The following DCBLD1 variants were observed in gnomAD, a reference collection of about 807,000 sequenced individuals.
DCBLD1 encodes discoidin, CUB and LCCL domain-containing protein 1.
DCBLD1 carries 57 observed loss-of-function variants against 71.5 expected under a neutral mutation model. That is an observed-to-expected ratio of 0.80 (90% CI 0.64 to 0.99). DCBLD1 has a LOEUF of 0.99. DCBLD1 is among the 50% of genes least tolerant of loss of function. DCBLD1 has a pLI of 0.00. For missense variants in DCBLD1, 891 were observed against 923.5 expected, an observed-to-expected ratio of 0.96 and a Z score of 0.46; for synonymous variants, 380 against 363.8, an observed-to-expected ratio of 1.04 and a Z score of -0.51.
At chr6:117,547,823 C>T (rs764991862) in intron 14 of DCBLD1, 84 bp from the exon 15 acceptor site, 3 of 1,547,216 alleles carry the variant, frequency 1.9e-6, no homozygotes, top group South Asian at 1.2e-5. Context: ...GTCACCACGA[C>T]CTGAAGCAGA....
intron 5 of DCBLD1, among the ~76,000 whole-genome samples, chr6:117,529,117 G>C (rs1778634049): frequency 6.6e-6 from 1 of 152,200 alleles, no homozygotes; most frequent in African/African-American, 2.4e-5. Context: ...GGGATTACAG[G>C]TGTGAGCCAC....
At chr6:117,556,357 C>G (rs750953964) in intron 14 of DCBLD1, among the ~76,000 whole-genome samples, 1 of 152,108 alleles carries the variant, frequency 6.6e-6, no homozygotes, top group Non-Finnish European at 1.5e-5. Flanking sequence ...ATTTTTCAAC[C>G]CTCACCCACC....
intron 1 of DCBLD1, among the ~76,000 whole-genome samples, chr6:117,486,940 C>G (rs1769913825): frequency 6.6e-6 from 1 of 152,128 alleles, no homozygotes; most frequent in Non-Finnish European, 1.5e-5. Context: ...AGCTTGAACT[C>G]TATTGTGAAC....
intron 1 of DCBLD1, among the ~76,000 whole-genome samples, chr6:117,486,891 G>A (rs748726795): frequency 1.6e-4 from 24 of 152,082 alleles, no homozygotes; most frequent in Non-Finnish European, 3.1e-4. Flanking sequence ...GCCTGAGTTC[G>A]CCTCCTGTCA....
intron 6 of DCBLD1, among the ~76,000 whole-genome samples, chr6:117,532,800 TG>T (rs1256516128): frequency 1.3e-5 from 2 of 152,202 alleles, no homozygotes; most frequent in African/African-American, 2.4e-5. Flanking sequence ...TAGAGACAGT[TG>T]TTTAGTGATG....
chr6:117,493,686 G>T (rs1777374583), intron 1 of DCBLD1, among the ~76,000 whole-genome samples: 1 of 152,184 alleles, frequency 6.6e-6, no homozygotes, highest in Non-Finnish European at 1.5e-5. Flanking sequence ...TTAGGCAGTA[G>T]TGGCACTAGA....
chr6:117,508,079 T>C (rs900146539), intron 2 of DCBLD1: 5 of 152,178 alleles, frequency 3.3e-5, no homozygotes, highest in African/African-American at 7.2e-5. Flanking sequence ...CCATGTAATA[T>C]GAAACTTTGA....
intron 14 of DCBLD1, chr6:117,563,404 A>C (rs990569238): frequency 3.7e-6 from 6 of 1,611,572 alleles, no homozygotes; most frequent in Middle Eastern, 1.7e-4. Flanking sequence ...AGGAGAAAAA[A>C]AAAGCAGACA....
chr6:117,519,711 T>C (rs1291059155), intron 2 of DCBLD1, 105 bp from the exon 3 acceptor site: 1 of 1,382,558 alleles, frequency 7.2e-7, no homozygotes. Flanking sequence ...ATCATACATA[T>C]GTATTGTCTA....
chr6:117,496,776 C>T (rs1277345406), intron 1 of DCBLD1, among the ~76,000 whole-genome samples: 1 of 152,186 alleles, frequency 6.6e-6, no homozygotes, highest in Non-Finnish European at 1.5e-5. Context: ...AATGAAATCA[C>T]TTCAGTAGGC....
chr6:117,569,801 G>C, exon 15 of DCBLD1: 2 of 1,435,156 alleles, frequency 1.4e-6, no homozygotes, highest in Non-Finnish European at 1.8e-6. Flanking sequence ...GATTAATCTA[G>C]AGATAAAATA....
intron 5 of DCBLD1, among the ~76,000 whole-genome samples, chr6:117,527,237 T>C (rs541422889): frequency 6.6e-6 from 1 of 152,282 alleles, no homozygotes; most frequent in East Asian, 1.9e-4. Flanking sequence ...CGTATTCTTA[T>C]AGACTTAGAA....
chr6:117,553,600 C>T (rs1562130640), downstream of DCBLD1, among the ~76,000 whole-genome samples: 1 of 152,142 alleles, frequency 6.6e-6, no homozygotes, highest in Non-Finnish European at 1.5e-5. Context: ...GAATTTTTGT[C>T]TGCCTTATTT....
chr6:117,514,367 G>T (rs1438111041), intron 2 of DCBLD1, among the ~76,000 whole-genome samples: 2 of 152,140 alleles, frequency 1.3e-5, no homozygotes, highest in East Asian at 3.9e-4. Flanking sequence ...ACTTTGAGGA[G>T]GCTGAGATGG....
At chr6:117,545,905 T>C (rs1387667584) in intron 14 of DCBLD1, among the ~76,000 whole-genome samples, 1 of 152,090 alleles carries the variant, frequency 6.6e-6, no homozygotes, top group Non-Finnish European at 1.5e-5. Flanking sequence ...AAGGCACTGG[T>C]ACAGAGGGGC....
Position 117,544,455 on chromosome 6 carries a change from C to T in DCBLD1, c.1446-73C>T, listed in dbSNP as rs1018754559. On this transcript the variant is annotated intron_variant, in intron 12 of 14. Transcript: ENST00000338728. ...CTATGAGGTAAGTACTATTATGATC[C>T]TTATGTTATATAGGGAGAGAGAGGC... is the stretch of plus-strand genomic sequence containing the variant. The T allele has an allele frequency of 5.3e-6, 8 of 1,511,082 alleles. No homozygotes were observed. The African/African-American group carries it at 6.9e-5, about 13-fold the overall frequency. 93.6% of individuals were successfully genotyped at this position (1,511,082 alleles called of 1,614,324 possible). A position where few individuals can be genotyped will look rare whatever the true frequency, so the allele number is the denominator to read the frequency against.
At chr6:117,525,253 G>A in intron 4 of DCBLD1, 109 bp from the exon 5 acceptor site, 1 of 770,896 alleles carries the variant, frequency 1.3e-6, no homozygotes, top group African/African-American at 1.8e-5. Flanking sequence ...TGCCATTAAA[G>A]CAAGATATTA....
At chr6:117,552,051 T>TG (rs1207473018), downstream of DCBLD1, among the ~76,000 whole-genome samples, 1 of 152,004 alleles carries the variant, frequency 6.6e-6, no homozygotes, top group African/African-American at 2.4e-5. Context: ...GCCCAGACGG[T>TG]GGAGGTTGCA....
intron 1 of DCBLD1, among the ~76,000 whole-genome samples, chr6:117,486,810 G>A (rs1304928397): frequency 6.6e-6 from 1 of 152,166 alleles, no homozygotes; most frequent in Non-Finnish European, 1.5e-5. Flanking sequence ...CTGCAGACTG[G>A]TACCTGTCAC....
Sources: gnomAD v4.1 joint callset for allele counts (sites outside exome capture counted in the v4.1 genomes callset) on GRCh38, gnomAD v4.1.1 for gene constraint, MANE v1.5 for transcripts, NCBI Gene and HGNC (gene_info 2026-07-23, HGNC 2026-07-21) for gene names.